ENTPD2: variants seen among roughly 807,000 people sequenced by gnomAD.
ENTPD2 encodes CD39 antigen-like 1.
ENTPD2 carries 48 observed loss-of-function variants against 46.8 expected under a neutral mutation model. The observed-to-expected ratio is 1.03, with a 90% CI of 0.81 to 1.30. The LOEUF is 1.30. Among genes scored for constraint, ENTPD2 ranks in the 50% most tolerant of loss-of-function variants. The pLI, the probability that ENTPD2 is intolerant of heterozygous loss-of-function variation, is 0.00. For synonymous variants in ENTPD2, 316 were observed against 286.1 expected, an observed-to-expected ratio of 1.10 and a Z score of -1.06; for missense variants, 707 against 651.1, an observed-to-expected ratio of 1.09 and a Z score of -0.93.
chr9:137,051,757 C>T, intron 2 of ENTPD2, 97 bp from the exon 3 acceptor site: 8 of 1,452,888 alleles, frequency 5.5e-6, no homozygotes, highest in East Asian at 2.5e-5. Context: ...GCCGTGGGCT[C>T]CCAGACCAGG....
At position 137,051,262 on chromosome 9, in the gene ENTPD2, C is replaced by G. The variant is rs1285164141; in HGVS notation, c.495G>C (p.Glu165Asp). The G allele has an allele frequency of 1.2e-6, 2 of 1,612,810 alleles. No individual in the cohort carries two copies. The highest frequency in any genetic ancestry group is 1.1e-5 in the South Asian group (1 of 91,066). ...RGARILSGQE[E>D]GVFGWVTANY... ...TGGCAGTCACCCAGCCAAACACCCC[C>G]TCTTCCTGGCCCGAGAGGATGCGTG... Residue 165 changes from glutamate to aspartate, a missense_variant, in exon 4 of 9, where the codon GAG (glutamate) becomes GAC (aspartate). By Grantham distance (45) the Glu-to-Asp change is conservative. Transcript: ENST00000355097.
At chr9:137,048,905 G>A (rs982482349) in intron 8 of ENTPD2, 36 bp downstream of exon 8, 14 of 1,449,668 alleles carry the variant, frequency 9.7e-6, no homozygotes, top group South Asian at 3.9e-5. Context: ...GCCCCGCCCC[G>A]CAAGGTCGGC....
chr9:137,053,849 C>T (rs942308866), intron 1 of ENTPD2, 32 bp downstream of exon 1: 44 of 1,209,326 alleles, frequency 3.6e-5, no homozygotes, highest in Non-Finnish European at 4.3e-5. Context: ...CCCGCTGCTC[C>T]CCAGACGTGC....
chr9:137,049,001 C>T lies in ENTPD2; in HGVS notation c.1224G>A (p.Leu408=), dbSNP rs1368383100. 6.5e-7 allele frequency: 1 copy of T among 1,537,584 alleles called. No individual in the cohort carries two copies. Among genetic ancestry groups the T allele is most frequent in the South Asian group, 1.2e-5 (1 of 83,994 alleles). ...YCAGAMFVQQ[L]LSRGYGFDER... is the part of the protein sequence containing the mutation. ...CGTCGAAGCCGTAGCCGCGACTCAGCAGCTGCTGCACGAACATGGCCCCGG... is the reference window on the plus strand; with the variant it reads ...CGTCGAAGCCGTAGCCGCGACTCAGTAGCTGCTGCACGAACATGGCCCCGG... Residue 408 remains leucine (L), a synonymous_variant, in exon 8 of 9, where the codon CTG becomes CTA. Coordinates refer to ENST00000355097, the MANE Select transcript of ENTPD2 (RefSeq NM_203468.3).
At chr9:137,050,857 C>T (rs1336814235) in intron 5 of ENTPD2, 45 bp downstream of exon 5, 3 of 1,589,010 alleles carry the variant, frequency 1.9e-6, no homozygotes, top group Non-Finnish European at 2.6e-6. Flanking sequence ...GGCTCTGCTC[C>T]AGGAGGGAAC....
Position 137,048,463 on chromosome 9 carries a change from T to C in ENTPD2, c.*194A>G. ...GGTGGAAGGATGGAGAAGACAGTGGTGGGGTGGAGCGGTGGGGGATAGAGG... is the reference window on the plus strand; with the variant it reads ...GGTGGAAGGATGGAGAAGACAGTGGCGGGGTGGAGCGGTGGGGGATAGAGG... On this transcript the variant is annotated 3_prime_UTR_variant, in exon 9 of 9. Transcript: ENST00000355097. 2.3e-6 allele frequency: 1 copy of C among 426,110 alleles called. No individual in the cohort carries two copies. Among genetic ancestry groups the C allele is most frequent in the Non-Finnish European group, 4.0e-6 (1 of 249,630 alleles). 26.4% of individuals were successfully genotyped at this position (426,110 alleles called of 1,614,324 possible). A position where few individuals can be genotyped will look rare whatever the true frequency, so the allele number is the denominator to read the frequency against.
chr9:137,049,799 G>A (rs947035894), intron 7 of ENTPD2, 71 bp downstream of exon 7: 4 of 1,528,534 alleles, frequency 2.6e-6, no homozygotes, highest in Non-Finnish European at 1.8e-6. Context: ...TCCATGCAGG[G>A]CTGGGGAGGC....
Position 137,050,455 on chromosome 9 carries a change from C to G in ENTPD2, c.858G>C (p.Met286Ile), listed in dbSNP as rs758600277. ...LGDVYQSPCT[M>I]AQRPQNFNSS... is the part of the protein sequence containing the mutation. ...TGTTGAAGTTCTGGGGCCGCTGGGCCATGGTGCATGGTGACTGGTACACAT... is the reference window on the plus strand; with the variant it reads ...TGTTGAAGTTCTGGGGCCGCTGGGCGATGGTGCATGGTGACTGGTACACAT... Residue 286 changes from methionine to isoleucine, a missense_variant, in exon 6 of 9, where the codon ATG (methionine) becomes ATC (isoleucine). By Grantham distance (10) the Met-to-Ile change is conservative. Transcript: ENST00000355097. 5.0e-6 allele frequency: 8 copies of G among 1,612,792 alleles called. No individual in the cohort carries two copies. Among genetic ancestry groups the G allele is most frequent in the Non-Finnish European group, 6.8e-6 (8 of 1,180,026 alleles).
chr9:137,053,729 G>C (rs1011481377), intron 1 of ENTPD2, 152 bp downstream of exon 1: 3 of 454,334 alleles, frequency 6.6e-6, no homozygotes, highest in Non-Finnish European at 1.1e-5. Context: ...GGAGCGCAGA[G>C]CGCGGAACCC....
At position 137,049,909 on chromosome 9, in the gene ENTPD2, C is replaced by T. The variant is rs17853461; in HGVS notation, c.1110G>A (p.Glu370=). ...GGTTGCAGACATTCACTGCGGCTGC[C>T]TCCAGCTGCTGCAGGGTGGCCACGG... is the stretch of plus-strand genomic sequence containing the variant. The part of the protein sequence containing the change: ...GLPVATLQQL[E]AAAVNVCNQT... Residue 370 remains glutamate, a synonymous_variant, in exon 7 of 9, where the codon GAG becomes GAA. Coordinates refer to ENST00000355097, the MANE Select transcript of ENTPD2 (RefSeq NM_203468.3). The T allele has an allele frequency of 1.4e-3, 2,295 of 1,612,452 alleles. 58 individuals are homozygous for T. The East Asian group carries it at 0.044, about 31-fold the overall frequency.
In ENTPD2 at chr9:137,049,043, G is replaced by C. The variant is rs778810351; in HGVS notation, c.1182C>G (p.Arg394=). The C allele has an allele frequency of 1.3e-4, 199 of 1,534,854 alleles. No homozygotes were observed. Among genetic ancestry groups the C allele is most frequent in the Non-Finnish European group, 1.7e-4 (195 of 1,145,080 alleles). The change falls in exon 8 of 9, where the codon CGC becomes CGG. Residue 394 remains arginine, a synonymous_variant. Transcript: ENST00000355097. ...TGGCCCCGGCGCAGTAGTCGGCCAG[G>C]CGGGCCCGTTGCCCTGGCACCCGAG... ...LQARVPGQRA[R]LADYCAGAMF... is the part of the protein sequence containing the mutation.
At chr9:137,053,311 T>A (rs1832338962) in intron 1 of ENTPD2, 1 of 152,448 alleles carries the variant, frequency 6.6e-6, no homozygotes, top group Admixed American at 6.5e-5. Flanking sequence ...GGAGTGGAGA[T>A]CCAGGCTAGC....
Position 137,050,942 on chromosome 9 carries a change from C to T in ENTPD2, c.734G>A (p.Arg245His), listed in dbSNP as rs374065956. ...VYTHSFLCYG[R>H]DQVLQRLLAS... ...CAGCAGCCTCTGGAGGACCTGGTCA[C>T]GGCCATAGCAGAGGAAGCTGTGGGT... Residue 245 changes from arginine (R) to histidine (H), a missense_variant, in exon 5 of 9, where the codon CGT becomes CAT. Coordinates refer to ENST00000355097, the MANE Select transcript of ENTPD2 (RefSeq NM_203468.3). The T allele has an allele frequency of 1.6e-4, 255 of 1,612,470 alleles. No individual in the cohort carries two copies. Among genetic ancestry groups the T allele is most frequent in the Admixed American group, 4.2e-4 (25 of 60,028 alleles).
chr9:137,048,796 G>C lies in ENTPD2; in HGVS notation c.1349C>G (p.Ala450Gly), dbSNP rs1393167345. ...YMLNLTNLIP[A>G]DPPGLRKGTD... ...GCCCTTGCGCAGCCCCGGCGGGTCG[G>C]CGGGGATCAGGTTGGTCAGGTTCAG... The change falls in exon 9 of 9, where the codon GCC becomes GGC. Residue 450 changes from alanine (A) to glycine (G), a missense_variant. Physicochemically the swap from Ala to Gly is moderately conservative, Grantham distance 60. Transcript: ENST00000355097. 1.9e-6 allele frequency: 3 copies of C among 1,584,526 alleles called. No homozygotes were observed. Among genetic ancestry groups the C allele is most frequent in the Admixed American group, 1.7e-5 (1 of 58,182 alleles).
In ENTPD2 at chr9:137,048,331, T is replaced by G; in HGVS notation, c.*326A>C. On this transcript the variant is annotated 3_prime_UTR_variant, in exon 9 of 9. Transcript: ENST00000355097. ...CCCAGGCTGAAGCGGGCTGGAGGGG[T>G]TCAAGGAGCTGGATTGAGCGCTCTT... 7.6e-6 allele frequency: 2 copies of G among 262,846 alleles called. No individual in the cohort carries two copies. Among genetic ancestry groups the G allele is most frequent in the Non-Finnish European group, 7.3e-6 (1 of 136,178 alleles). 16.3% of individuals were successfully genotyped at this position (262,846 alleles called of 1,614,324 possible).
chr9:137,050,940 C>G lies in ENTPD2; in HGVS notation c.736G>C (p.Asp246His). The G allele has an allele frequency of 6.2e-7, 1 of 1,612,472 alleles. No homozygotes were observed. Among genetic ancestry groups the G allele is most frequent in the Non-Finnish European group, 8.5e-7 (1 of 1,180,012 alleles). ...GCCAGCAGCCTCTGGAGGACCTGGTCACGGCCATAGCAGAGGAAGCTGTGG... is the reference window on the plus strand; with the variant it reads ...GCCAGCAGCCTCTGGAGGACCTGGTGACGGCCATAGCAGAGGAAGCTGTGG... ...YTHSFLCYGR[D>H]QVLQRLLASA... Residue 246 changes from aspartate (D) to histidine (H), a missense_variant, in exon 5 of 9, where the codon GAC (aspartate) becomes CAC (histidine). By Grantham distance (81) the Asp-to-His change is moderately conservative (BLOSUM62 -1). Coordinates refer to ENST00000355097, the MANE Select transcript of ENTPD2 (RefSeq NM_203468.3).
In ENTPD2 at chr9:137,048,307, C is replaced by A; in HGVS notation, c.*350G>T. 1 of 238,132 alleles carries A rather than the reference C, an allele frequency of 4.2e-6. No homozygotes were observed. Among genetic ancestry groups the A allele is most frequent in the Non-Finnish European group, 8.3e-6 (1 of 120,918 alleles). 14.8% of individuals were successfully genotyped at this position (238,132 alleles called of 1,614,324 possible). A position where few individuals can be genotyped will look rare whatever the true frequency, so the allele number is the denominator to read the frequency against. ...AGGAGCACGGGGCCTGCAGTGATGCCCAGGCTGAAGCGGGCTGGAGGGGTT... is the reference window on the plus strand; with the variant it reads ...AGGAGCACGGGGCCTGCAGTGATGCACAGGCTGAAGCGGGCTGGAGGGGTT... On this transcript the variant is annotated 3_prime_UTR_variant, in exon 9 of 9. Coordinates refer to ENST00000355097, the MANE Select transcript of ENTPD2 (RefSeq NM_203468.3).
rs906227648 is a variant in ENTPD2, at chr9:137,049,415, C to T, written c.1150-340G>A. ...GGCCTGAGTCTGCCCGCTGGCTCGC[C>T]GCCTGTCCCCACCTCCCTCACCCCA... On this transcript the variant is annotated intron_variant, in intron 7 of 8. Coordinates refer to ENST00000355097, the MANE Select transcript of ENTPD2 (RefSeq NM_203468.3). 10 of 559,818 alleles carry T rather than the reference C, an allele frequency of 1.8e-5. No individual in the cohort carries two copies. The East Asian group carries it at 2.2e-4, about 12-fold the overall frequency. 34.7% of individuals were successfully genotyped at this position (559,818 alleles called of 1,614,324 possible).
intron 2 of ENTPD2, 87 bp from the exon 3 acceptor site, chr9:137,051,747 G>A: frequency 6.8e-7 from 1 of 1,466,682 alleles, no homozygotes; most frequent in Non-Finnish European, 9.0e-7. Flanking sequence ...GGGGGTGGGG[G>A]CCGTGGGCTC....
Sources: allele counts gnomAD v4.1 joint callset, GRCh38; gene constraint gnomAD v4.1.1; transcripts MANE v1.5; gene names NCBI Gene and HGNC (gene_info 2026-07-23, HGNC 2026-07-21).